Variants in TEKTIP1 observed in about 807,000 individuals in gnomAD.
TEKTIP1 encodes tektin bundle-interacting protein 1.
At chr19:3,539,382 A>C in the TEKTIP1 span, 7 of 646,448 alleles carry the variant, frequency 1.1e-5, no homozygotes, top group South Asian at 1.8e-5. Flanking sequence ...TAAAAGGCTC[A>C]TGTGTGTGAC....
the TEKTIP1 span, chr19:3,542,357 A>T: frequency 4.1e-6 from 4 of 985,384 alleles, no homozygotes; most frequent in Non-Finnish European, 4.8e-6. Flanking sequence ...TGCAGGGCAG[A>T]TGAGATTGTT....
chr19:3,540,938 A>G, the TEKTIP1 span, among the ~76,000 whole-genome samples: 9 of 151,588 alleles, frequency 5.9e-5, no homozygotes, highest in Admixed American at 1.3e-4. Context: ...TGGGAGGCCG[A>G]GGCGGGTGGA....
At chr19:3,543,875 A>G in the TEKTIP1 span, 5 of 1,549,964 alleles carry the variant, frequency 3.2e-6, no homozygotes, top group Middle Eastern at 3.3e-4. Context: ...GGAGGGCATC[A>G]GACTACGTGC....
the TEKTIP1 span, chr19:3,543,659 CCAATCCGGGGCAAG>C: frequency 5.2e-6 from 8 of 1,541,510 alleles, no homozygotes; most frequent in Non-Finnish European, 7.0e-6. Context: ...GAAAGACAGG[CCAATCCGGGGCAAG>C]GAATACGGTG....
At chr19:3,539,379 C>T in the TEKTIP1 span, 2 of 654,050 alleles carry the variant, frequency 3.1e-6, no homozygotes, top group Non-Finnish European at 5.4e-6. Flanking sequence ...TCCTAAAAGG[C>T]TCATGTGTGT....
At chr19:3,540,989 T>C in the TEKTIP1 span, among the ~76,000 whole-genome samples, 1 of 149,046 alleles carries the variant, frequency 6.7e-6, no homozygotes, top group Non-Finnish European at 1.5e-5. Flanking sequence ...GCCAAGGTAG[T>C]GAAACCCCAT....
At chr19:3,540,285 T>G in the TEKTIP1 span, among the ~76,000 whole-genome samples, 10 of 147,744 alleles carry the variant, frequency 6.8e-5, no homozygotes, top group Non-Finnish European at 1.3e-4. Context: ...TTGGACGGAG[T>G]CTCACTCTTG....
chr19:3,542,621 C>T, the TEKTIP1 span: 43 of 768,114 alleles, frequency 5.6e-5, no homozygotes, highest in Non-Finnish European at 6.8e-5. Flanking sequence ...TTACAGGTGC[C>T]CCCCGCCCCC....
At chr19:3,543,777 T>C in the TEKTIP1 span, 1 of 1,491,018 alleles carries the variant, frequency 6.7e-7, no homozygotes, top group Non-Finnish European at 9.0e-7. Flanking sequence ...AGCCCCTTGC[T>C]GGCCAACGGC....
At chr19:3,541,710 C>T in the TEKTIP1 span, 21 of 985,270 alleles carry the variant, frequency 2.1e-5, no homozygotes, top group Non-Finnish European at 2.5e-5. Flanking sequence ...GCATGTACCA[C>T]CTGCTCCTGG....
At chr19:3,542,802 C>G in the TEKTIP1 span, 64 of 1,371,348 alleles carry the variant, frequency 4.7e-5, 1 homozygote, top group Middle Eastern at 6.3e-4. Flanking sequence ...CCCAGTCTTC[C>G]CTGGGCCATG....
the TEKTIP1 span, chr19:3,543,018 G>T: frequency 1.9e-6 from 3 of 1,604,540 alleles, no homozygotes; most frequent in East Asian, 4.5e-5. Flanking sequence ...GGTGCTTGGG[G>T]TGCGATGTGT....
the TEKTIP1 span, chr19:3,542,426 G>A: frequency 1.0e-6 from 1 of 985,400 alleles, no homozygotes; most frequent in Non-Finnish European, 1.2e-6. Context: ...TGACTTCCTT[G>A]GGACATATTC....
chr19:3,542,527 G>A, the TEKTIP1 span: 16 of 929,130 alleles, frequency 1.7e-5, no homozygotes, highest in Middle Eastern at 5.4e-4. Flanking sequence ...AGGCTGGAGT[G>A]CAAGGGCACG....
the TEKTIP1 span, among the ~76,000 whole-genome samples, chr19:3,541,386 GATCTC>G: frequency 4.7e-5 from 7 of 149,132 alleles, no homozygotes; most frequent in Non-Finnish European, 1.0e-4. Flanking sequence ...GCAGTGGAAT[GATCTC>G]AGCTCACTGC....
At chr19:3,539,293 G>T in the TEKTIP1 span, 4 of 1,314,164 alleles carry the variant, frequency 3.0e-6, no homozygotes, top group Non-Finnish European at 4.2e-6. Context: ...GCCCCTCCCA[G>T]CCCCTCCCTC....
At chr19:3,543,127 C>T in the TEKTIP1 span, 1 of 1,513,448 alleles carries the variant, frequency 6.6e-7, no homozygotes, top group African/African-American at 1.4e-5. Flanking sequence ...AGGGAGACCC[C>T]ACGCCGTGGG....
At chr19:3,541,843 C>T in the TEKTIP1 span, 7 of 963,912 alleles carry the variant, frequency 7.3e-6, no homozygotes, top group East Asian at 2.3e-4. Context: ...GAGTCTCGCT[C>T]TCTCACCCAG....
chr19:3,541,999 G>A, the TEKTIP1 span: 53 of 436,824 alleles, frequency 1.2e-4, no homozygotes, highest in African/African-American at 8.9e-4. Context: ...TAGTAGAGAC[G>A]GGGTTTCACC....
Sources: allele counts gnomAD v4.1 joint callset (sites outside exome capture counted in the v4.1 genomes callset), GRCh38; gene constraint gnomAD v4.1.1; transcripts MANE v1.5; gene names NCBI Gene and HGNC (gene_info 2026-07-23, HGNC 2026-07-21).